Variants in HPF1 observed in about 807,000 individuals in gnomAD.
The protein encoded by HPF1 is UPF0609 protein C4orf27.
A neutral mutation model predicts 38.8 loss-of-function variants in HPF1; 35 were observed. The observed-to-expected ratio is 0.90, with a 90% CI of 0.69 to 1.19. HPF1 has a LOEUF of 1.19. Among genes scored for constraint, HPF1 ranks in the 50% most tolerant of loss-of-function variants. The pLI, the probability that HPF1 is intolerant of heterozygous loss-of-function variation, is 0.00. For synonymous variants in HPF1, 115 were observed against 139.2 expected (o/e 0.83, Z 1.22); for missense variants, 367 against 405.8 (o/e 0.90, Z 0.82).
intron 3 of HPF1, among the ~76,000 whole-genome samples, chr4:169,750,238 G>GGCACCTGGAA (rs11282818): frequency 0.064 from 9,683 of 152,100 alleles, 1,010 homozygotes; most frequent in African/African-American, 0.22. Context: ...TTGCCACTCT[G>GGCACCTGGAA]GCACACGGCT....
At chr4:169,753,409 AAC>A (rs1299810978) in intron 2 of HPF1, among the ~76,000 whole-genome samples, 1 of 152,210 alleles carries the variant, frequency 6.6e-6, no homozygotes, top group Non-Finnish European at 1.5e-5. Flanking sequence ...TGCAACCTCA[AAC>A]CACTGAGCTC....
chr4:169,754,252 GC>G (rs1283954030), intron 1 of HPF1, among the ~76,000 whole-genome samples: 1 of 152,158 alleles, frequency 6.6e-6, no homozygotes, highest in Non-Finnish European at 1.5e-5. Context: ...CAGTTAAAAA[GC>G]TGTTTCTTTA....
At chr4:169,733,214 T>C (rs1733852073) in intron 6 of HPF1, among the ~76,000 whole-genome samples, 1 of 152,104 alleles carries the variant, frequency 6.6e-6, no homozygotes, top group Non-Finnish European at 1.5e-5. Flanking sequence ...AGAGAGAAAA[T>C]GTCTAATATT....
At chr4:169,748,698 A>T in intron 4 of HPF1, 46 bp downstream of exon 4, 1 of 909,120 alleles carries the variant, frequency 1.1e-6, no homozygotes, top group Non-Finnish European at 1.7e-6. Flanking sequence ...TAATGGACTA[A>T]TGTAGTATAA....
At position 169,729,540 on chromosome 4, in the gene HPF1, T is replaced by G. The variant is rs764696550; in HGVS notation, c.*38A>C. 1 of 1,388,200 alleles carries G rather than the reference T, an allele frequency of 7.2e-7. No homozygotes were observed. Among genetic ancestry groups the G allele is most frequent in the Non-Finnish European group, 9.4e-7 (1 of 1,059,074 alleles). 86.0% of individuals were successfully genotyped at this position (1,388,200 alleles called of 1,614,324 possible). Reference sequence around the variant, plus strand: ...ACAAAAATCACAAGTTTAATACTAGTCCTTTGAAATACTGTACACCAATCA... The same window carrying G: ...ACAAAAATCACAAGTTTAATACTAGGCCTTTGAAATACTGTACACCAATCA... On this transcript the variant is annotated 3_prime_UTR_variant, in exon 8 of 8. Coordinates refer to ENST00000393381, the MANE Select transcript of HPF1 (RefSeq NM_017867.3).
chr4:169,748,273 T>C (rs189928425), intron 4 of HPF1, among the ~76,000 whole-genome samples: 2 of 152,328 alleles, frequency 1.3e-5, no homozygotes, highest in Admixed American at 1.3e-4. Flanking sequence ...TGTATTTTTT[T>C]GGTGAAGAGG....
At chr4:169,736,296 A>G (rs1381179332) in intron 6 of HPF1, among the ~76,000 whole-genome samples, 1 of 143,072 alleles carries the variant, frequency 7.0e-6, no homozygotes, top group African/African-American at 2.5e-5. Context: ...GCTACTCGGG[A>G]GGCCGAGACA....
Position 169,742,041 on chromosome 4 carries a change from T to C in HPF1, c.564A>G (p.Ile188Met). Residue 188 changes from isoleucine to methionine, a missense_variant, in exon 5 of 8, where the codon ATA becomes ATG. Coordinates refer to ENST00000393381, the MANE Select transcript of HPF1 (RefSeq NM_017867.3). ...TGGCTGCTTCTGTGAGTTTTTCATC[T>C]ATGTTTTTCAAGAGATTGATTTTCT... is the stretch of plus-strand genomic sequence containing the variant. The part of the protein sequence containing the change: ...DKKKINLLKN[I>M]DEKLTEAARE... 1 of 1,610,766 alleles carries C rather than the reference T, an allele frequency of 6.2e-7. No individual in the cohort carries two copies. Among genetic ancestry groups the C allele is most frequent in the Non-Finnish European group, 8.5e-7 (1 of 1,177,000 alleles).
chr4:169,747,331 A>T (rs1437274179), intron 4 of HPF1, among the ~76,000 whole-genome samples: 2 of 152,154 alleles, frequency 1.3e-5, no homozygotes, highest in African/African-American at 4.8e-5. Flanking sequence ...ACTGAGAGGT[A>T]TTAGAAAAGA....
In HPF1 at chr4:169,757,919, G is replaced by T. The variant is rs1053709880; in HGVS notation, c.-42C>A. On this transcript the variant is annotated 5_prime_UTR_variant, in exon 1 of 8. Transcript: ENST00000393381. ...CAGCAGAATTCCCCGATCCGCGGCC[G>T]CTTCCGAGCGCCGCCAACCGCTTCC... 8.5e-6 allele frequency: 13 copies of T among 1,526,782 alleles called. No homozygotes were observed. The African/African-American group carries it at 1.6e-4, about 19-fold the overall frequency. 94.6% of individuals were successfully genotyped at this position (1,526,782 alleles called of 1,614,324 possible). A position where few individuals can be genotyped will look rare whatever the true frequency, so the allele number is the denominator to read the frequency against.
Position 169,753,846 on chromosome 4 carries a change from G to T in HPF1, c.49-11C>A. 4 of 1,600,380 alleles carry T rather than the reference G, an allele frequency of 2.5e-6. No individual in the cohort carries two copies. Among genetic ancestry groups the T allele is most frequent in the Non-Finnish European group, 3.4e-6 (4 of 1,174,864 alleles). On this transcript the variant is annotated splice_polypyrimidine_tract_variant and intron_variant, in intron 1 of 7. Transcript: ENST00000393381. ...AGTTGTTTTTTCACACTGAAAATTGGCACACAAACTTTAGTTCTCCAAATT... is the reference window on the plus strand; with the variant it reads ...AGTTGTTTTTTCACACTGAAAATTGTCACACAAACTTTAGTTCTCCAAATT...
intron 2 of HPF1, among the ~76,000 whole-genome samples, chr4:169,751,784 G>T (rs1734122328): frequency 6.6e-6 from 1 of 152,170 alleles, no homozygotes; most frequent in East Asian, 1.9e-4. Flanking sequence ...TGAAGCTTAG[G>T]AGAGCATACA....
intron 7 of HPF1, 118 bp from the exon 8 acceptor site, chr4:169,729,827 ACACCCT>A: frequency 1.4e-6 from 1 of 711,460 alleles, no homozygotes; most frequent in Non-Finnish European, 2.0e-6. Context: ...CATTTTAGCT[ACACCCT>A]CAGGTGGTTA....
intron 1 of HPF1, 92 bp from the exon 2 acceptor site, chr4:169,753,927 A>T: frequency 1.0e-6 from 1 of 966,408 alleles, no homozygotes; most frequent in African/African-American, 1.6e-5. Context: ...CAACTCTATG[A>T]AATACATGTG....
intron 6 of HPF1, among the ~76,000 whole-genome samples, chr4:169,734,763 G>A (rs1010990968): frequency 6.6e-6 from 1 of 152,170 alleles, no homozygotes; most frequent in African/African-American, 2.4e-5. Context: ...TTAAGCTACA[G>A]TAGTTCTGTC....
chr4:169,745,157 T>C lies in HPF1; in HGVS notation c.498-3050A>G, dbSNP rs542550527. Among the ~76,000 whole-genome samples, 430 of 152,222 alleles carry C rather than the reference T, an allele frequency of 2.8e-3. 5 individuals are homozygous for C. The highest frequency in any genetic ancestry group is 0.017 in the Middle Eastern group (5 of 294). On this transcript the variant is annotated intron_variant, in intron 4 of 7. Coordinates refer to ENST00000393381, the MANE Select transcript of HPF1 (RefSeq NM_017867.3). ...ACAGAACCATGCACAGCAACTACCATGGGTGAGAGGATCTTTGGGGGTGTG... is the reference window on the plus strand; with the variant it reads ...ACAGAACCATGCACAGCAACTACCACGGGTGAGAGGATCTTTGGGGGTGTG...
At chr4:169,733,824 G>A (rs1733860189) in intron 6 of HPF1, among the ~76,000 whole-genome samples, 1 of 151,412 alleles carries the variant, frequency 6.6e-6, no homozygotes, top group Admixed American at 6.6e-5. Context: ...CAGTGCAGGA[G>A]GTGCAGGCTG....
chr4:169,731,573 A>G, intron 7 of HPF1, 131 bp downstream of exon 7: 1 of 616,120 alleles, frequency 1.6e-6, no homozygotes, highest in South Asian at 4.6e-5. Flanking sequence ...TTGAAATACA[A>G]GCTGAATCCC....
At chr4:169,739,167 C>T (rs1289405904) in intron 5 of HPF1, among the ~76,000 whole-genome samples, 5 of 151,798 alleles carry the variant, frequency 3.3e-5, no homozygotes, top group Non-Finnish European at 7.4e-5. Context: ...TAAAACTACT[C>T]GAAGGTAAAT....
Sources: allele counts gnomAD v4.1 joint callset (sites outside exome capture counted in the v4.1 genomes callset), GRCh38; gene constraint gnomAD v4.1.1; transcripts MANE v1.5; gene names NCBI Gene and HGNC (gene_info 2026-07-23, HGNC 2026-07-21).